OTOGL: variants seen among roughly 807,000 people sequenced by gnomAD.
OTOGL encodes the protein otogelin like.
In OTOGL, 285 loss-of-function variants were observed where a neutral mutation model predicts 318.5. That is an observed-to-expected ratio of 0.89 (90% CI 0.81 to 0.99). The LOEUF (loss-of-function observed/expected upper bound fraction) is 0.99. Ranked by LOEUF, OTOGL falls within the 50% of genes least tolerant of loss-of-function variation. OTOGL has a pLI of 0.00. For synonymous variants in OTOGL, 987 were observed against 936.5 expected (o/e 1.05, Z -0.99); for missense variants, 2,899 against 2,845.6 (o/e 1.02, Z -0.43).
chr12:80,223,656 T>TA (rs1161420525), intron 7 of OTOGL, among the ~76,000 whole-genome samples: 2 of 152,196 alleles, frequency 1.3e-5, no homozygotes, highest in African/African-American at 4.8e-5. Context: ...TATTGTGGTT[T>TA]TCATTTGTTT....
At chr12:80,232,844 T>C in intron 8 of OTOGL, 48 bp from the exon 9 acceptor site, 1 of 1,456,168 alleles carries the variant, frequency 6.9e-7, no homozygotes. Flanking sequence ...TCATCTGTAA[T>C]TGAGACTTTA....
intron 20 of OTOGL, chr12:80,265,508 C>G (rs1402554079): frequency 1.0e-5 from 4 of 382,598 alleles, no homozygotes; most frequent in Non-Finnish European, 2.0e-5. Flanking sequence ...GTGGAAATAT[C>G]ATATCTAAAT....
intron 22 of OTOGL, 87 bp from the exon 23 acceptor site, chr12:80,270,015 T>C: frequency 5.5e-6 from 6 of 1,095,872 alleles, no homozygotes; most frequent in South Asian, 1.4e-5. Context: ...CAATCAATTC[T>C]TGTACGTTAG....
intron 27 of OTOGL, 43 bp from the exon 28 acceptor site, chr12:80,302,591 G>A: frequency 8.2e-7 from 1 of 1,212,480 alleles, no homozygotes; most frequent in Non-Finnish European, 1.0e-6. Flanking sequence ...TTTGGTTAGA[G>A]AACTTACTAC....
chr12:80,366,579 AT>A lies in OTOGL; in HGVS notation c.6276del (p.Phe2092LeufsTer4). The A allele has an allele frequency of 7.4e-7, 1 of 1,344,618 alleles. No homozygotes were observed. The allele number at this position is 1,344,618 out of a possible 1,614,324, so 83.3% of individuals were successfully genotyped here. ...LIMPTCEVGE[F>X]TAIDHNFQSD... ...TAGTAGTATATTTTCAATAGGGAGA[AT>A]TTACTGCAATAGACCATAACTTCCA... On this transcript the variant is annotated frameshift_variant, in exon 53 of 59. Transcript: ENST00000547103. LOFTEE classifies it high-confidence loss of function.
chr12:80,249,906 C>T (rs11503512), intron 11 of OTOGL, among the ~76,000 whole-genome samples: 6,979 of 152,102 alleles, frequency 0.046, 550 homozygotes, highest in African/African-American at 0.16. Context: ...GCGCAATATT[C>T]GGGTGGGAGT....
At chr12:80,153,506 C>G (rs982707158) in intron 1 of OTOGL, among the ~76,000 whole-genome samples, 2 of 152,176 alleles carry the variant, frequency 1.3e-5, no homozygotes, top group African/African-American at 4.8e-5. Flanking sequence ...ACATCCCCCA[C>G]CAGAGTGGCA....
At chr12:80,336,616 A>G in intron 40 of OTOGL, 61 bp downstream of exon 40, 1 of 1,519,520 alleles carries the variant, frequency 6.6e-7, no homozygotes, top group East Asian at 2.3e-5. Flanking sequence ...TGTCTATTGC[A>G]ACATCAGGGA....
chr12:80,216,666 G>A (rs1243074395), intron 4 of OTOGL, among the ~76,000 whole-genome samples: 1 of 152,130 alleles, frequency 6.6e-6, no homozygotes, highest in Admixed American at 6.6e-5. Context: ...CGAGGGAAGT[G>A]CCATTGTTGT....
At chr12:80,188,794 T>G (rs1012748697) in intron 1 of OTOGL, among the ~76,000 whole-genome samples, 1 of 152,184 alleles carries the variant, frequency 6.6e-6, no homozygotes, top group Non-Finnish European at 1.5e-5. Flanking sequence ...CTCTAGAGAA[T>G]AGGATCATAA....
At chr12:80,186,826 A>T (rs1875328078) in intron 1 of OTOGL, among the ~76,000 whole-genome samples, 1 of 152,120 alleles carries the variant, frequency 6.6e-6, no homozygotes, top group Non-Finnish European at 1.5e-5. Context: ...AAACCCATGG[A>T]GTGCTGCCCT....
chr12:80,147,315 C>CA (rs963774669), intron 1 of OTOGL, among the ~76,000 whole-genome samples: 24 of 145,424 alleles, frequency 1.7e-4, no homozygotes, highest in Admixed American at 2.7e-4. Flanking sequence ...GTTATGTACC[C>CA]AGTAGTCATT....
chr12:80,185,536 A>G (rs1401418152), intron 1 of OTOGL, among the ~76,000 whole-genome samples: 3 of 152,056 alleles, frequency 2.0e-5, no homozygotes, highest in Admixed American at 6.6e-5. Flanking sequence ...TGACCCACTC[A>G]CCTTGGCCTC....
At chr12:80,285,095 T>C (rs920682157) in intron 26 of OTOGL, among the ~76,000 whole-genome samples, 1 of 152,198 alleles carries the variant, frequency 6.6e-6, no homozygotes, top group Non-Finnish European at 1.5e-5. Flanking sequence ...TTTCCGCATA[T>C]GGTTAACTTG....
At chr12:80,229,130 G>A in intron 7 of OTOGL, 127 bp from the exon 8 acceptor site, 1 of 1,083,594 alleles carries the variant, frequency 9.2e-7, no homozygotes, top group South Asian at 2.0e-5. Flanking sequence ...AATCCCAAAT[G>A]TAGTTATAAC....
chr12:80,322,525 A>G (rs1013243955), intron 34 of OTOGL, among the ~76,000 whole-genome samples: 7 of 152,192 alleles, frequency 4.6e-5, no homozygotes. Context: ...CTTTAGATGT[A>G]TAGATGCTTT....
At chr12:80,180,495 G>T (rs1228979689) in intron 1 of OTOGL, among the ~76,000 whole-genome samples, 1 of 152,216 alleles carries the variant, frequency 6.6e-6, no homozygotes, top group Non-Finnish European at 1.5e-5. Flanking sequence ...AAAGGCCTCT[G>T]CAGTGAAGGA....
At chr12:80,109,749 G>A (rs796080444) in intron 1 of OTOGL, among the ~76,000 whole-genome samples, 4 of 152,296 alleles carry the variant, frequency 2.6e-5, no homozygotes, top group African/African-American at 9.6e-5. Context: ...AACTGGAATA[G>A]CACTGATGAC....
At chr12:80,333,728 C>T (rs1888221836) in intron 38 of OTOGL, among the ~76,000 whole-genome samples, 1 of 152,026 alleles carries the variant, frequency 6.6e-6, no homozygotes, top group Admixed American at 6.6e-5. Flanking sequence ...AAAAATAATA[C>T]TGTTTTTAAT....
Sources: allele counts gnomAD v4.1 joint callset (sites outside exome capture counted in the v4.1 genomes callset), GRCh38; gene constraint gnomAD v4.1.1; transcripts MANE v1.5; gene names NCBI Gene and HGNC (gene_info 2026-07-23, HGNC 2026-07-21).